PCDHGB4: variants seen among roughly 807,000 people sequenced by gnomAD.
PCDHGB4 encodes the protein protocadherin gamma subfamily B, 4, also known as protocadherin gamma-B4.
In PCDHGB4, 38 loss-of-function variants were observed where a neutral mutation model predicts 60.5. That is an observed-to-expected ratio of 0.63 (90% confidence interval 0.48 to 0.82). The LOEUF is 0.82. PCDHGB4 is among the 40% of genes least tolerant of loss of function. The pLI is 0.00. For missense variants in PCDHGB4, 1,109 were observed against 1,209.6 expected (o/e 0.92, Z 1.23); for synonymous variants, 456 against 509.7 (o/e 0.89, Z 1.42).
intron 2 of PCDHGB4, among the ~76,000 whole-genome samples, chr5:141,504,288 G>GT (rs1175142876): frequency 6.6e-6 from 1 of 152,124 alleles, no homozygotes; most frequent in African/African-American, 2.4e-5. Context: ...ATCATTTCAT[G>GT]TTTTTTCAAC....
chr5:141,388,913 A>C lies in PCDHGB4; in HGVS notation c.1029A>C (p.Pro343=). Residue 343 remains proline (P), a synonymous_variant, in exon 1 of 4, where the codon CCA becomes CCC. Coordinates refer to ENST00000519479, the MANE Select transcript of PCDHGB4 (RefSeq NM_003736.4). ...TCATAGATGAAAATGACAACGCCCC[A>C]GAAGTGATATTCCAGTCTCTACCCA... The part of the protein sequence containing the change: ...VEVIDENDNA[P]EVIFQSLPNL... The C allele has an allele frequency of 6.2e-7, 1 of 1,614,040 alleles. No homozygotes were observed. Among genetic ancestry groups the C allele is most frequent in the Non-Finnish European group, 8.5e-7 (1 of 1,179,894 alleles).
intron 2 of PCDHGB4, among the ~76,000 whole-genome samples, chr5:141,495,587 C>T (rs1391263118): frequency 6.6e-6 from 1 of 152,238 alleles, no homozygotes. Context: ...TTCTCCATCT[C>T]TGTCTTAGCT....
chr5:141,480,887 A>T (rs2099527301), intron 1 of PCDHGB4, among the ~76,000 whole-genome samples: 1 of 152,146 alleles, frequency 6.6e-6, no homozygotes. Flanking sequence ...TCTACTAAAA[A>T]TGCAAACATT....
In PCDHGB4 at chr5:141,432,285, C is replaced by A; in HGVS notation, c.2397+42004C>A. On this transcript the variant is annotated intron_variant, in intron 1 of 3. Transcript: ENST00000519479. The surrounding 1 kb of genome is among the most constrained non-coding windows in gnomAD (Gnocchi z 6.0). ...CTATCGTCCTACGTGTCCATCAACTCCGACACTGGGGTACTGTATGCGCTG... is the reference window on the plus strand; with the variant it reads ...CTATCGTCCTACGTGTCCATCAACTACGACACTGGGGTACTGTATGCGCTG... The A allele has an allele frequency of 6.2e-7, 1 of 1,614,262 alleles. No homozygotes were observed. The highest frequency in any genetic ancestry group is 8.5e-7 in the Non-Finnish European group (1 of 1,180,052).
At chr5:141,451,352 A>G (rs2098714151) in intron 1 of PCDHGB4, among the ~76,000 whole-genome samples, 1 of 152,232 alleles carries the variant, frequency 6.6e-6, no homozygotes, top group Non-Finnish European at 1.5e-5. Flanking sequence ...AAGGGTCAAC[A>G]GAGGATGGAT....
At chr5:141,468,597 T>C in intron 1 of PCDHGB4, 1 of 152,224 alleles carries the variant, frequency 6.6e-6, no homozygotes, top group East Asian at 1.9e-4. Context: ...CTGGGCGCGG[T>C]GGCTCACGCC....
rs758099753 is a variant in PCDHGB4, at chr5:141,432,129, A to G, written c.2397+41848A>G. The G allele has an allele frequency of 5.6e-6, 9 of 1,614,054 alleles. No homozygotes were observed. The highest frequency in any genetic ancestry group is 5.5e-5 in the South Asian group (5 of 91,056). On this transcript the variant is annotated intron_variant, in intron 1 of 3. Transcript: ENST00000519479. The surrounding 1 kb of genome is among the most constrained non-coding windows in gnomAD (Gnocchi z 6.0). Reference sequence around the variant, plus strand: ...CCGCCGGTCTTCCCTCAGGCCTCCTATTCCGCTTATATCCCAGAGAACAAT... The same window carrying G: ...CCGCCGGTCTTCCCTCAGGCCTCCTGTTCCGCTTATATCCCAGAGAACAAT...
intron 1 of PCDHGB4, among the ~76,000 whole-genome samples, chr5:141,443,131 A>G (rs1042010214): frequency 7.2e-5 from 11 of 152,144 alleles, no homozygotes; most frequent in Non-Finnish European, 1.6e-4. Context: ...GATTAAGAAC[A>G]CTATCATAAG....
In PCDHGB4 at chr5:141,410,160, C is replaced by T. The variant is rs767993789; in HGVS notation, c.2397+19879C>T. ...GCTGTGCGTGACGGTGGACAGCCGC[C>T]ACTCTCTGCCACCGCCACGCTTCAT... On this transcript the variant is annotated intron_variant, in intron 1 of 3. Transcript: ENST00000519479. 100 of 1,613,580 alleles carry T rather than the reference C, an allele frequency of 6.2e-5. No individual in the cohort carries two copies. In the Middle Eastern group the frequency reaches 2.1e-3, roughly 34 times the overall value.
At chr5:141,394,311 C>G in intron 1 of PCDHGB4, 3 of 1,613,986 alleles carry the variant, frequency 1.9e-6, no homozygotes, top group Non-Finnish European at 1.7e-6. Context: ...GCAGGGGGCG[C>G]CCCTGTCCTC....
At position 141,432,135 on chromosome 5, in the gene PCDHGB4, C is replaced by T; in HGVS notation, c.2397+41854C>T. On this transcript the variant is annotated intron_variant, in intron 1 of 3. Transcript: ENST00000519479. This position sits in a 1 kb window ranked among gnomAD's most constrained non-coding sequence, Gnocchi z 6.0. ...GTCTTCCCTCAGGCCTCCTATTCCGCTTATATCCCAGAGAACAATCCCAGA... is the reference window on the plus strand; with the variant it reads ...GTCTTCCCTCAGGCCTCCTATTCCGTTTATATCCCAGAGAACAATCCCAGA... The T allele has an allele frequency of 6.2e-7, 1 of 1,614,140 alleles. No homozygotes were observed. Among genetic ancestry groups the T allele is most frequent in the Non-Finnish European group, 8.5e-7 (1 of 1,180,026 alleles).
chr5:141,409,669 C>T, intron 1 of PCDHGB4: 1 of 1,613,528 alleles, frequency 6.2e-7, no homozygotes, highest in Non-Finnish European at 8.5e-7. Context: ...ACATCTCCTA[C>T]TCTATAGTGG....
At chr5:141,413,639 G>T (rs893578830) in intron 1 of PCDHGB4, 1 of 1,613,736 alleles carries the variant, frequency 6.2e-7, no homozygotes, top group African/African-American at 1.3e-5. Flanking sequence ...GCGGGAATGC[G>T]TTTTCCTCTC....
rs542113846 is a variant in PCDHGB4 at position 141,433,037 on chromosome 5, A to G, written c.2397+42756A>G. ...GACCTATTCCCACGAGGTTTCCCTCACCACGGACTCGCGGAAGAGTCACCT... is the reference window on the plus strand; with the variant it reads ...GACCTATTCCCACGAGGTTTCCCTCGCCACGGACTCGCGGAAGAGTCACCT... On this transcript the variant is annotated intron_variant, in intron 1 of 3. Coordinates refer to ENST00000519479, the MANE Select transcript of PCDHGB4 (RefSeq NM_003736.4). 249 of 1,614,172 alleles carry G rather than the reference A, an allele frequency of 1.5e-4. 6 individuals are homozygous for G. The South Asian group carries it at 2.5e-3, about 16-fold the overall frequency.
intron 1 of PCDHGB4, among the ~76,000 whole-genome samples, chr5:141,473,366 A>T (rs1292258135): frequency 1.3e-5 from 2 of 152,202 alleles, no homozygotes; most frequent in Non-Finnish European, 2.9e-5. Context: ...GGCCACCAAA[A>T]TAGCATGGTC....
intron 1 of PCDHGB4, among the ~76,000 whole-genome samples, chr5:141,397,821 T>C (rs1225096146): frequency 2.0e-5 from 3 of 152,238 alleles, no homozygotes; most frequent in African/African-American, 7.2e-5. Context: ...AAACAATTAC[T>C]GCACTGGTTA....
At chr5:141,481,357 G>A (rs1399668487) in intron 1 of PCDHGB4, among the ~76,000 whole-genome samples, 1 of 152,176 alleles carries the variant, frequency 6.6e-6, no homozygotes, top group Non-Finnish European at 1.5e-5. Context: ...ATCTACAGCT[G>A]TTCAATAGAT....
intron 1 of PCDHGB4, chr5:141,418,297 C>T (rs760176371): frequency 2.5e-6 from 4 of 1,614,026 alleles, no homozygotes; most frequent in African/African-American, 2.7e-5. Flanking sequence ...GTGAATCCGT[C>T]AGCCTGGGGA....
intron 1 of PCDHGB4, among the ~76,000 whole-genome samples, chr5:141,401,931 A>C: frequency 6.6e-6 from 1 of 152,352 alleles, no homozygotes; most frequent in Middle Eastern, 3.4e-3. Context: ...GATGCTTAGA[A>C]TAATGTTTAA....
Sources: allele counts gnomAD v4.1 joint callset (sites outside exome capture counted in the v4.1 genomes callset), GRCh38; gene constraint gnomAD v4.1.1; non-coding constraint Gnocchi (gnomAD v3.1); transcripts MANE v1.5; gene names NCBI Gene and HGNC (gene_info 2026-07-23, HGNC 2026-07-21).